The following OSMR variants were observed in gnomAD, a reference collection of about 807,000 sequenced individuals.
The protein encoded by OSMR is oncostatin-M-specific receptor subunit beta.
Under a neutral mutation model 99.9 loss-of-function variants are expected in OSMR, and 81 were observed. That is an observed-to-expected ratio of 0.81 (90% confidence interval 0.68 to 0.97). The LOEUF (loss-of-function observed/expected upper bound fraction) is 0.97. Among genes scored for constraint, OSMR ranks in the 50% least tolerant of loss-of-function variants. OSMR has a pLI of 0.00. For synonymous variants in OSMR, 406 were observed against 410.4 expected (o/e 0.99, Z 0.13); for missense variants, 1,099 against 1,153.4 (o/e 0.95, Z 0.68).
At chr5:38,918,755 G>C in intron 10 of OSMR, 85 bp from the exon 11 acceptor site, 1 of 1,566,020 alleles carries the variant, frequency 6.4e-7, no homozygotes, top group South Asian at 1.2e-5. Flanking sequence ...TAAAGGAGTT[G>C]AGGGACAGAA....
chr5:38,857,754 G>A (rs978199357), intron 1 of OSMR, among the ~76,000 whole-genome samples: 9 of 151,860 alleles, frequency 5.9e-5, no homozygotes, highest in Non-Finnish European at 1.0e-4. Flanking sequence ...TGTAATCGCC[G>A]CCTCCTAGGT....
chr5:38,870,758 G>T (rs774444251), intron 2 of OSMR, among the ~76,000 whole-genome samples: 2 of 152,204 alleles, frequency 1.3e-5, no homozygotes, highest in Non-Finnish European at 2.9e-5. Flanking sequence ...GCAGGTAGGG[G>T]TCTGCATACT....
chr5:38,895,635 CTT>C (rs747176900), intron 7 of OSMR, among the ~76,000 whole-genome samples: 13 of 151,988 alleles, frequency 8.6e-5, no homozygotes, highest in Non-Finnish European at 1.6e-4. Flanking sequence ...TGTGCAGAAG[CTT>C]TTTAACTTAA....
At chr5:38,938,048 AT>A (rs1384381530), downstream of OSMR, 4 of 204,174 alleles carry the variant, frequency 2.0e-5, no homozygotes, top group Non-Finnish European at 4.0e-5. Flanking sequence ...AACAAAAAAA[AT>A]CAAGGTGAGC....
chr5:38,897,246 G>C (rs1447765402), intron 7 of OSMR, among the ~76,000 whole-genome samples: 1 of 151,994 alleles, frequency 6.6e-6, no homozygotes, highest in African/African-American at 2.4e-5. Flanking sequence ...TTAAATGTTT[G>C]GTAGAGTTTA....
intron 1 of OSMR, among the ~76,000 whole-genome samples, chr5:38,857,205 T>C (rs1740922267): frequency 6.6e-6 from 1 of 152,218 alleles, no homozygotes; most frequent in Non-Finnish European, 1.5e-5. Context: ...AAGTAGTCCT[T>C]TTTAAAAAAC....
At chr5:38,879,592 G>A (rs1052545083) in intron 3 of OSMR, among the ~76,000 whole-genome samples, 1 of 151,966 alleles carries the variant, frequency 6.6e-6, no homozygotes, top group Admixed American at 6.6e-5. Flanking sequence ...TTCTAGCAGG[G>A]GTCTGGGGGA....
chr5:38,925,216 G>A lies in OSMR; in HGVS notation c.2057G>A (p.Cys686Tyr). The A allele has an allele frequency of 6.2e-7, 1 of 1,613,570 alleles. No individual in the cohort carries two copies. The highest frequency in any genetic ancestry group is 8.5e-7 in the Non-Finnish European group (1 of 1,179,746). ...EKAVLSDGSE[C>Y]CKYKIDNPEE... ...TAAAAAATCACAGATGGTTCAGAAT[G>A]TTGCAAATACAAAATTGACAACCCG... is the stretch of plus-strand genomic sequence containing the variant. The change falls in exon 15 of 18, where the codon TGT (cysteine) becomes TAT (tyrosine). Residue 686 changes from cysteine to tyrosine, a missense_variant. Coordinates refer to ENST00000274276, the MANE Select transcript of OSMR (RefSeq NM_003999.3).
intron 12 of OSMR, among the ~76,000 whole-genome samples, chr5:38,922,069 G>A (rs1179888051): frequency 6.6e-6 from 1 of 152,160 alleles, no homozygotes; most frequent in African/African-American, 2.4e-5. Context: ...AATGGCAGAA[G>A]GACATTATTA....
chr5:38,932,646 A>G lies in OSMR; in HGVS notation c.2367+111A>G, dbSNP rs1020018722. Reference sequence around the variant, plus strand: ...GCTCCTCAGGAAAATATAGCACAGTAAAAGCCATCTTTGCACCCACAGCCA... The same window carrying G: ...GCTCCTCAGGAAAATATAGCACAGTGAAAGCCATCTTTGCACCCACAGCCA... On this transcript the variant is annotated intron_variant, in intron 17 of 17. Transcript: ENST00000274276. 12 of 1,552,116 alleles carry G rather than the reference A, an allele frequency of 7.7e-6. No individual in the cohort carries two copies. In the African/African-American group the frequency reaches 1.4e-4, roughly 18 times the overall value.
rs1579803328 is a variant in OSMR, at chr5:38,924,672, A to G, written c.2044+77A>G. 12 of 1,246,922 alleles carry G rather than the reference A, an allele frequency of 9.6e-6. No individual in the cohort carries two copies. The Middle Eastern group carries it at 7.5e-4, about 78-fold the overall frequency. 77.2% of individuals were successfully genotyped at this position (1,246,922 alleles called of 1,614,324 possible). On this transcript the variant is annotated intron_variant, in intron 14 of 17. Coordinates refer to ENST00000274276, the MANE Select transcript of OSMR (RefSeq NM_003999.3). ...GAAATCATTTAAAATAATGGCTGCCATCTCAGACTGTGGCCAGGCTGAATT... is the reference window on the plus strand; with the variant it reads ...GAAATCATTTAAAATAATGGCTGCCGTCTCAGACTGTGGCCAGGCTGAATT...
intron 12 of OSMR, among the ~76,000 whole-genome samples, 171 bp downstream of exon 12, chr5:38,921,965 T>G (rs1185479227): frequency 6.6e-6 from 1 of 152,230 alleles, no homozygotes; most frequent in African/African-American, 2.4e-5. Context: ...GTTCTAAAAC[T>G]TGACCTTTAA....
At chr5:38,902,845 A>C (rs560848366) in intron 7 of OSMR, among the ~76,000 whole-genome samples, 10 of 152,158 alleles carry the variant, frequency 6.6e-5, no homozygotes, top group Non-Finnish European at 1.0e-4. Context: ...CTCCAGATGC[A>C]TCTGAATACC....
intron 9 of OSMR, among the ~76,000 whole-genome samples, chr5:38,905,433 A>T (rs1372487199): frequency 6.6e-6 from 1 of 151,902 alleles, no homozygotes; most frequent in Non-Finnish European, 1.5e-5. Context: ...GGTTGCAGTG[A>T]GCTGAGATCG....
At chr5:38,870,874 G>C (rs1157614823) in intron 2 of OSMR, among the ~76,000 whole-genome samples, 1 of 152,138 alleles carries the variant, frequency 6.6e-6, no homozygotes, top group Non-Finnish European at 1.5e-5. Context: ...TTTCACAGTG[G>C]GCATACTTTG....
downstream of OSMR, among the ~76,000 whole-genome samples, chr5:38,936,384 G>C (rs1457980838): frequency 6.6e-6 from 1 of 152,076 alleles, no homozygotes; most frequent in Non-Finnish European, 1.5e-5. Context: ...AAATCAATCA[G>C]GATATTTGGG....
intron 3 of OSMR, among the ~76,000 whole-genome samples, chr5:38,878,265 C>T (rs1290577526): frequency 6.6e-6 from 1 of 152,144 alleles, no homozygotes; most frequent in Non-Finnish European, 1.5e-5. Flanking sequence ...GAGGAGGATG[C>T]TGCTTCTGTT....
At chr5:38,917,469 A>G in intron 9 of OSMR, 77 bp from the exon 10 acceptor site, 2 of 1,585,688 alleles carry the variant, frequency 1.3e-6, no homozygotes, top group Non-Finnish European at 8.6e-7. Flanking sequence ...CATGTCCTTG[A>G]CCGTCCTAGA....
At position 38,848,107 on chromosome 5, in the gene OSMR, G is replaced by C. The variant is rs1349210483; in HGVS notation, c.-14+1720G>C. Among the ~76,000 whole-genome samples, 3 of 152,168 alleles carry C rather than the reference G, an allele frequency of 2.0e-5. 1 individual carries two copies. The highest frequency in any genetic ancestry group is 1.3e-4 in the Admixed American group (2 of 15,276). On this transcript the variant is annotated intron_variant, in intron 1 of 17. Transcript: ENST00000274276. ...ACTGTATTTAACAAGAAGAAGGTGTGTATTTTCCTTGTGGGAAAGGACTGG... is the reference window on the plus strand; with the variant it reads ...ACTGTATTTAACAAGAAGAAGGTGTCTATTTTCCTTGTGGGAAAGGACTGG...
Sources: allele counts gnomAD v4.1 joint callset (sites outside exome capture counted in the v4.1 genomes callset), GRCh38; gene constraint gnomAD v4.1.1; transcripts MANE v1.5; gene names NCBI Gene and HGNC (gene_info 2026-07-23, HGNC 2026-07-21).